Variants in CSNK2A1 observed in about 807,000 individuals in gnomAD.
The protein encoded by CSNK2A1 is casein kinase 2 alpha 1.
A neutral mutation model predicts 62.9 loss-of-function variants in CSNK2A1; 10 were observed. The ratio of observed to expected loss-of-function variants is 0.16; its 90% CI spans 0.10 to 0.27. The LOEUF (loss-of-function observed/expected upper bound fraction) is 0.27. Among genes scored for constraint, CSNK2A1 ranks in the 10% least tolerant of loss-of-function variants. The pLI, the probability that CSNK2A1 is intolerant of heterozygous loss-of-function variation, is 1.00. For missense variants in CSNK2A1, 160 were observed against 492.0 expected, an observed-to-expected ratio of 0.33 and a Z score of 6.38; for synonymous variants, 124 against 167.8, an observed-to-expected ratio of 0.74 and a Z score of 2.02.
intron 2 of CSNK2A1, among the ~76,000 whole-genome samples, chr20:513,285 T>C (rs950742060): frequency 2.0e-5 from 3 of 152,256 alleles, no homozygotes; most frequent in Non-Finnish European, 4.4e-5. Context: ...GTGATCTCTC[T>C]GTTGGGCTTT....
chr20:490,231 A>G (rs1032423686), intron 9 of CSNK2A1, among the ~76,000 whole-genome samples: 103 of 149,052 alleles, frequency 6.9e-4, no homozygotes, highest in Non-Finnish European at 6.4e-4. Flanking sequence ...GGGTTTCACT[A>G]CGTTGGCCAG....
rs377034791 is a variant in CSNK2A1 at position 490,908 on chromosome 20, A to C, written c.622-1027T>G. On this transcript the variant is annotated intron_variant, in intron 9 of 13. Coordinates refer to ENST00000217244, the MANE Select transcript of CSNK2A1 (RefSeq NM_177559.3). ...TCACTTACATGAAAAAAAAAAAAAAAAAACCTCCAAATTGTTAGCCCATGG... is the reference window on the plus strand; with the variant it reads ...TCACTTACATGAAAAAAAAAAAAAACAAACCTCCAAATTGTTAGCCCATGG... Among the ~76,000 whole-genome samples, 53 of 151,854 alleles carry C rather than the reference A, an allele frequency of 3.5e-4. 1 individual carries two copies. The East Asian group carries it at 8.9e-3, about 25-fold the overall frequency.
chr20:534,175 C>T (rs2019266213), intron 1 of CSNK2A1, among the ~76,000 whole-genome samples: 1 of 152,130 alleles, frequency 6.6e-6, no homozygotes, highest in Non-Finnish European at 1.5e-5. Flanking sequence ...AATAATCTGC[C>T]AAAAACAACA....
chr20:490,347 TTTTTAG>T (rs1324595122), intron 9 of CSNK2A1, among the ~76,000 whole-genome samples: 21 of 124,728 alleles, frequency 1.7e-4, no homozygotes, highest in East Asian at 1.1e-3. Flanking sequence ...TTTTTTTTTT[TTTTTAG>T]TTTTTTTTTT....
intron 2 of CSNK2A1, among the ~76,000 whole-genome samples, chr20:517,884 T>C (rs2018860942): frequency 6.6e-6 from 1 of 152,196 alleles, no homozygotes; most frequent in Non-Finnish European, 1.5e-5. Context: ...TTGGAGACTA[T>C]TAGTTTACTC....
At chr20:525,470 G>A (rs1713751417) in intron 2 of CSNK2A1, among the ~76,000 whole-genome samples, 2 of 151,780 alleles carry the variant, frequency 1.3e-5, no homozygotes, top group Non-Finnish European at 1.5e-5. Flanking sequence ...GGCTAACATG[G>A]TGAAACCCCG....
intron 8 of CSNK2A1, chr20:492,666 TG>T (rs2018260172): frequency 3.6e-6 from 1 of 279,472 alleles, no homozygotes; most frequent in Non-Finnish European, 6.7e-6. Context: ...CCTTAACTTT[TG>T]GAATATTTAA....
At chr20:501,969 T>C (rs991777077) in intron 4 of CSNK2A1, 3 of 152,186 alleles carry the variant, frequency 2.0e-5, no homozygotes, top group African/African-American at 7.2e-5. Flanking sequence ...TAACTTTGTC[T>C]TAAGCCTCAA....
In CSNK2A1 at chr20:487,230, G is replaced by A. The variant is rs904720791; in HGVS notation, c.973+197C>T. 2.2e-5 allele frequency: 15 copies of A among 683,270 alleles called. No individual in the cohort carries two copies. The African/African-American group carries it at 2.8e-4, about 13-fold the overall frequency. 42.3% of individuals were successfully genotyped at this position (683,270 alleles called of 1,614,324 possible). A position where few individuals can be genotyped will look rare whatever the true frequency, so the allele number is the denominator to read the frequency against. ...AAAGAGTTTATTTAGGAATGCTCTT[G>A]TGTCATGTATTCTGTTACAGAAGAA... On this transcript the variant is annotated intron_variant, in intron 12 of 13. Transcript: ENST00000217244.
chr20:535,477 C>T (rs1271935190), intron 1 of CSNK2A1, among the ~76,000 whole-genome samples: 2 of 152,110 alleles, frequency 1.3e-5, no homozygotes, highest in African/African-American at 2.4e-5. Context: ...AAACACTGGC[C>T]GGGCGCGGTG....
intron 8 of CSNK2A1, chr20:494,847 T>TTACTCTG (rs1451578109): frequency 6.6e-6 from 1 of 152,240 alleles, no homozygotes; most frequent in African/African-American, 2.4e-5. Flanking sequence ...TACTTGCTAT[T>TTACTCTG]TACTCTGCCT....
chr20:522,788 C>T (rs2018978960), intron 2 of CSNK2A1, among the ~76,000 whole-genome samples: 1 of 152,142 alleles, frequency 6.6e-6, no homozygotes, highest in South Asian at 2.1e-4. Flanking sequence ...TCACAGCAGC[C>T]TCAAACTCCT....
intron 1 of CSNK2A1, among the ~76,000 whole-genome samples, chr20:528,522 C>G (rs1176077602): frequency 1.3e-5 from 2 of 151,798 alleles, no homozygotes; most frequent in Non-Finnish European, 2.9e-5. Context: ...CTCAAGCAAT[C>G]CTCCTCCTTC....
intron 2 of CSNK2A1, among the ~76,000 whole-genome samples, chr20:519,500 G>A (rs1305943891): frequency 6.6e-6 from 1 of 152,226 alleles, no homozygotes; most frequent in Non-Finnish European, 1.5e-5. Flanking sequence ...GATTGCTTGT[G>A]CCCAGGAGTT....
At chr20:487,867 G>A in intron 11 of CSNK2A1, 1 of 426,570 alleles carries the variant, frequency 2.3e-6, no homozygotes, top group Non-Finnish European at 4.3e-6. Context: ...GGAGGGTCAG[G>A]TGGCTGAGCT....
At chr20:533,450 C>A (rs1334263515) in intron 1 of CSNK2A1, among the ~76,000 whole-genome samples, 1 of 152,022 alleles carries the variant, frequency 6.6e-6, no homozygotes, top group Non-Finnish European at 1.5e-5. Context: ...AAAAACAATG[C>A]ACATAGGCCA....
intron 3 of CSNK2A1, 122 bp from the exon 4 acceptor site, chr20:505,351 G>GATT: frequency 4.3e-6 from 1 of 235,030 alleles, no homozygotes; most frequent in Non-Finnish European, 7.5e-6. Flanking sequence ...TCCCAAATAG[G>GATT]TTTTTTTTTT....
At chr20:539,027 T>G (rs1600421777) in intron 1 of CSNK2A1, among the ~76,000 whole-genome samples, 2 of 152,220 alleles carry the variant, frequency 1.3e-5, no homozygotes, top group South Asian at 2.1e-4. Flanking sequence ...AACACCATTA[T>G]TCCGTGGAGT....
intron 2 of CSNK2A1, among the ~76,000 whole-genome samples, chr20:517,812 T>G (rs915748040): frequency 3.9e-5 from 6 of 152,162 alleles, no homozygotes; most frequent in Non-Finnish European, 7.4e-5. Flanking sequence ...TGGCATCAGG[T>G]GTAAAAAAGC....
Sources: gnomAD v4.1 joint callset for allele counts (sites outside exome capture counted in the v4.1 genomes callset) on GRCh38, gnomAD v4.1.1 for gene constraint, MANE v1.5 for transcripts, NCBI Gene and HGNC (gene_info 2026-07-23, HGNC 2026-07-21) for gene names.